The following AAMDC variants were observed in gnomAD, a reference collection of about 807,000 sequenced individuals.
AAMDC encodes the protein mth938 domain-containing protein.
AAMDC carries 16 observed loss-of-function variants against 15.5 expected under a neutral mutation model. The ratio of observed to expected loss-of-function variants is 1.03; its 90% CI spans 0.70 to 1.57. The LOEUF is 1.57. Ranked by LOEUF, AAMDC falls within the 40% of genes most tolerant of loss-of-function variation. The probability of loss-of-function intolerance (pLI) is 0.00; values close to 1 mark genes in which losing one functional copy is unlikely to be tolerated. For synonymous variants in AAMDC, 51 were observed against 51.6 expected (o/e 0.99, Z 0.05); for missense variants, 141 against 144.9 (o/e 0.97, Z 0.14).
chr11:77,841,364 TAG>T (rs1437217478), intron 1 of AAMDC: 4 of 587,738 alleles, frequency 6.8e-6, no homozygotes, highest in Non-Finnish European at 1.2e-5. Context: ...TCTGTTCTGT[TAG>T]AGTTTTTTCC....
chr11:77,879,165 A>C (rs1951695644), intron 5 of AAMDC: 1 of 1,605,612 alleles, frequency 6.2e-7, no homozygotes, highest in Non-Finnish European at 8.5e-7. Flanking sequence ...ATAACTAGGC[A>C]ACTGCTAGGA....
At chr11:77,904,648 A>T (rs1952886642), downstream of AAMDC, among the ~76,000 whole-genome samples, 1 of 152,172 alleles carries the variant, frequency 6.6e-6, no homozygotes, top group African/African-American at 2.4e-5. Context: ...AACTATAGGA[A>T]TTTCTGGAAT....
chr11:77,873,047 A>C (rs1397824104), downstream of AAMDC, among the ~76,000 whole-genome samples: 1 of 152,204 alleles, frequency 6.6e-6, no homozygotes, highest in Non-Finnish European at 1.5e-5. Flanking sequence ...TTAAATACCG[A>C]GGTGGCCTTT....
chr11:77,832,983 GTGTGTGTGTGTGTGTA>G lies in AAMDC; in HGVS notation c.-18-9494_-18-9479del, dbSNP rs1236326917. 1.6e-4 allele frequency among the ~76,000 whole-genome samples: 6 copies of G among 38,596 alleles called. 1 individual carries two copies. The highest frequency in any genetic ancestry group is 7.2e-4 in the African/African-American group (5 of 6,990). The allele number at this position is 38,596 out of a possible 152,430, so 25.3% of individuals were successfully genotyped here. A position where few individuals can be genotyped will look rare whatever the true frequency, so the allele number is the denominator to read the frequency against. ...TGTGTGTGTGTGTGTGTGTGTGTGTGTGTGTGTGTGTGTGTATATATATATATTTTTTTTTTTTTTT... is the reference window on the plus strand; with the variant it reads ...TGTGTGTGTGTGTGTGTGTGTGTGTGTATATATATATTTTTTTTTTTTTTT... On this transcript the variant is annotated intron_variant, in intron 1 of 3. Coordinates refer to ENST00000393427, the MANE Select transcript of AAMDC (RefSeq NM_024684.4).
At chr11:77,834,645 C>T (rs890235569) in intron 1 of AAMDC, among the ~76,000 whole-genome samples, 1 of 151,932 alleles carries the variant, frequency 6.6e-6, no homozygotes, top group Admixed American at 6.6e-5. Flanking sequence ...GAACTCCTGA[C>T]CTCAGGTGAT....
chr11:77,878,340 C>T (rs922562875), intron 5 of AAMDC, among the ~76,000 whole-genome samples: 42 of 150,190 alleles, frequency 2.8e-4, no homozygotes, highest in African/African-American at 4.4e-4. Flanking sequence ...CCAGCCTGAG[C>T]GACACAGCAA....
intron 2 of AAMDC, among the ~76,000 whole-genome samples, chr11:77,855,946 T>C (rs1479126586): frequency 1.3e-5 from 2 of 152,020 alleles, no homozygotes; most frequent in Non-Finnish European, 2.9e-5. Context: ...GGCAAAACCC[T>C]GGCTCTAGCA....
At chr11:77,903,503 A>G, downstream of AAMDC, 2 of 1,608,646 alleles carry the variant, frequency 1.2e-6, no homozygotes, top group South Asian at 1.1e-5. Context: ...ATTACTGGAC[A>G]GAGACCTATT....
At chr11:77,879,646 T>G (rs1281704616) in intron 5 of AAMDC, among the ~76,000 whole-genome samples, 8 of 152,226 alleles carry the variant, frequency 5.3e-5, no homozygotes, top group Non-Finnish European at 1.2e-4. Context: ...CTAAAATGTC[T>G]GAAAACATCT....
chr11:77,872,599 C>T (rs186309835), downstream of AAMDC, among the ~76,000 whole-genome samples: 1 of 152,178 alleles, frequency 6.6e-6, no homozygotes, highest in East Asian at 1.9e-4. Flanking sequence ...TCTAGACAGG[C>T]TGTTCTACTA....
downstream of AAMDC, chr11:77,901,463 G>A: frequency 6.2e-7 from 1 of 1,613,878 alleles, no homozygotes; most frequent in Non-Finnish European, 8.5e-7. Context: ...CAAAGCTTTG[G>A]CCTGCAGCCT....
rs575620348 is a variant in AAMDC, at chr11:77,841,355, C to T, written c.-18-1124C>T. The T allele has an allele frequency of 2.5e-5, 15 of 603,202 alleles. No individual in the cohort carries two copies. The Admixed American group carries it at 3.9e-4, about 16-fold the overall frequency. 37.4% of individuals were successfully genotyped at this position (603,202 alleles called of 1,614,324 possible). A position where few individuals can be genotyped will look rare whatever the true frequency, so the allele number is the denominator to read the frequency against. Reference sequence around the variant, plus strand: ...ATGCAATATGTGTCTACTTTAGTCTCTGTTCTGTTAGAGTTTTTTCCTTGA... The same window carrying T: ...ATGCAATATGTGTCTACTTTAGTCTTTGTTCTGTTAGAGTTTTTTCCTTGA... On this transcript the variant is annotated intron_variant, in intron 1 of 3. Coordinates refer to ENST00000393427, the MANE Select transcript of AAMDC (RefSeq NM_024684.4).
At chr11:77,890,706 G>A (rs2136390204) in intron 5 of AAMDC, among the ~76,000 whole-genome samples, 2 of 152,314 alleles carry the variant, frequency 1.3e-5, no homozygotes, top group South Asian at 4.2e-4. Context: ...AGCACTTAGT[G>A]CATGCAATAG....
At chr11:77,864,270 C>T (rs1951012111) in intron 2 of AAMDC, among the ~76,000 whole-genome samples, 1 of 151,658 alleles carries the variant, frequency 6.6e-6, no homozygotes, top group African/African-American at 2.4e-5. Context: ...TATTCTTGGG[C>T]CCATCTCTAC....
chr11:77,851,898 T>C (rs1950399960), intron 2 of AAMDC, among the ~76,000 whole-genome samples: 2 of 152,106 alleles, frequency 1.3e-5, no homozygotes, highest in South Asian at 4.1e-4. Flanking sequence ...CTGTTGAACT[T>C]CTTGAATTTG....
chr11:77,896,397 A>G (rs1400697825), intron 5 of AAMDC, among the ~76,000 whole-genome samples: 1 of 152,226 alleles, frequency 6.6e-6, no homozygotes, highest in African/African-American at 2.4e-5. Flanking sequence ...CACGCCTGTA[A>G]TTCCAACACT....
At chr11:77,861,570 G>A (rs1236120788) in intron 2 of AAMDC, among the ~76,000 whole-genome samples, 2 of 152,228 alleles carry the variant, frequency 1.3e-5, no homozygotes, top group Non-Finnish European at 2.9e-5. Flanking sequence ...TTCTGACTCA[G>A]AGGACCTTCG....
intron 2 of AAMDC, 43 bp downstream of exon 2, chr11:77,842,671 A>G (rs1190196810): frequency 6.2e-7 from 1 of 1,600,076 alleles, no homozygotes; most frequent in African/African-American, 1.3e-5. Flanking sequence ...AGGCTGACCA[A>G]GTGATTTCCA....
intron 1 of AAMDC, among the ~76,000 whole-genome samples, chr11:77,823,285 C>T (rs1287488242): frequency 6.7e-6 from 1 of 149,830 alleles, no homozygotes; most frequent in Non-Finnish European, 1.5e-5. Flanking sequence ...TGAATTATCA[C>T]TGCCAAAGAA....
Sources: gnomAD v4.1 joint callset for allele counts (sites outside exome capture counted in the v4.1 genomes callset) on GRCh38, gnomAD v4.1.1 for gene constraint, MANE v1.5 for transcripts, NCBI Gene and HGNC (gene_info 2026-07-23, HGNC 2026-07-21) for gene names.